C2orf92: variants seen among roughly 807,000 people sequenced by gnomAD.
C2orf92 encodes chromosome 2 open reading frame 92.
At chr2:97,690,554 G>A (rs1418505076) in intron 5 of C2orf92, among the ~76,000 whole-genome samples, 1 of 151,748 alleles carries the variant, frequency 6.6e-6, no homozygotes, top group Non-Finnish European at 1.5e-5. Flanking sequence ...CTAATTTTTT[G>A]TATTTTTTAG....
chr2:97,665,727 CTCTCTCTCTCTATA>C (rs1197032737), upstream of C2orf92: 61 of 33,626 alleles, frequency 1.8e-3, no homozygotes, highest in African/African-American at 3.1e-3. Flanking sequence ...CTCTCTCTCT[CTCTCTCTCTCTATA>C]TATATATATA....
chr2:97,689,675 C>T (rs1011096193), intron 4 of C2orf92, among the ~76,000 whole-genome samples: 8 of 152,172 alleles, frequency 5.3e-5, no homozygotes, highest in African/African-American at 1.9e-4. Context: ...GTTTGCACCC[C>T]AATTCCTGAG....
rs1266255025 is a variant in C2orf92 at position 97,669,723 on chromosome 2, G to C, written c.-66G>C. 2.3e-5 allele frequency: 9 copies of C among 398,410 alleles called. No homozygotes were observed. The highest frequency in any genetic ancestry group is 4.0e-5 in the Non-Finnish European group (9 of 226,010). The allele number at this position is 398,410 out of a possible 1,614,324, so 24.7% of individuals were successfully genotyped here. On this transcript the variant is annotated 5_prime_UTR_variant, in exon 1 of 8. Coordinates refer to ENST00000627399, the MANE Select transcript of C2orf92 (RefSeq NM_001351368.2). Reference sequence around the variant, plus strand: ...GTTCCGTGGTACCCTGGAGTCCACAGCTGCTGAATCTGAAGGGCCATCAGA... The same window carrying C: ...GTTCCGTGGTACCCTGGAGTCCACACCTGCTGAATCTGAAGGGCCATCAGA...
chr2:97,680,987 G>A (rs1412966459), intron 3 of C2orf92, among the ~76,000 whole-genome samples: 2 of 150,724 alleles, frequency 1.3e-5, no homozygotes, highest in African/African-American at 4.9e-5. Context: ...TGCGCCTATA[G>A]TCCCAGCTAC....
Position 97,695,686 on chromosome 2 carries a change from C to A in C2orf92, c.404-3340C>A, listed in dbSNP as rs566153854. Among the ~76,000 whole-genome samples, 5 of 152,264 alleles carry A rather than the reference C, an allele frequency of 3.3e-5. No homozygotes were observed. In the South Asian group the frequency reaches 1.0e-3, roughly 32 times the overall value. ...CTTTAACATAATTTTACTTTCAAAT[C>A]TTTATTTTTCCTTCAGGAGAAGCCA... On this transcript the variant is annotated intron_variant, in intron 5 of 7. Coordinates refer to ENST00000627399, the MANE Select transcript of C2orf92 (RefSeq NM_001351368.2).
chr2:97,681,396 A>G (rs974181029), intron 3 of C2orf92, among the ~76,000 whole-genome samples: 6 of 152,214 alleles, frequency 3.9e-5, no homozygotes, highest in Admixed American at 2.0e-4. Context: ...GAAATCTGGA[A>G]TATTTACACA....
chr2:97,697,206 TG>T (rs1676335930), intron 5 of C2orf92: 1 of 152,214 alleles, frequency 6.6e-6, no homozygotes, highest in Non-Finnish European at 1.5e-5. Context: ...GAAACTGTGT[TG>T]GTCAAAAATT....
At chr2:97,692,770 A>C (rs1354074935) in intron 5 of C2orf92, among the ~76,000 whole-genome samples, 2 of 152,138 alleles carry the variant, frequency 1.3e-5, no homozygotes, top group African/African-American at 4.8e-5. Flanking sequence ...GTTTAATTGC[A>C]TTGCTAATAC....
chr2:97,666,248 G>A (rs542801695), upstream of C2orf92, among the ~76,000 whole-genome samples: 57 of 150,398 alleles, frequency 3.8e-4, no homozygotes, highest in Non-Finnish European at 7.1e-4. Context: ...GTTTTAAGAT[G>A]GAGTTGGGGC....
At chr2:97,665,783 G>C (rs1307636307), upstream of C2orf92, 1 of 87,316 alleles carries the variant, frequency 1.1e-5, no homozygotes, top group Non-Finnish European at 2.2e-5. Flanking sequence ...ATTTTGTTTT[G>C]TTTTGTTTTT....
intron 1 of C2orf92, chr2:97,671,355 C>G: frequency 2.5e-6 from 1 of 395,696 alleles, no homozygotes; most frequent in Non-Finnish European, 4.5e-6. Flanking sequence ...CTATGTTTCC[C>G]AGGCTGGCCT....
chr2:97,669,236 T>C (rs1018542733), upstream of C2orf92: 2 of 152,142 alleles, frequency 1.3e-5, no homozygotes, highest in African/African-American at 4.8e-5. Flanking sequence ...ATGCTATTTT[T>C]GGTGTTATAA....
intron 1 of C2orf92, among the ~76,000 whole-genome samples, chr2:97,673,289 C>T (rs1240707908): frequency 1.3e-5 from 2 of 152,116 alleles, no homozygotes; most frequent in African/African-American, 4.8e-5. Context: ...TTCAGTGGCA[C>T]GAAGCGTGGG....
At chr2:97,665,360 A>G (rs565615129), upstream of C2orf92, among the ~76,000 whole-genome samples, 13 of 152,330 alleles carry the variant, frequency 8.5e-5, no homozygotes, top group East Asian at 2.3e-3. Flanking sequence ...CGAGTTCAAG[A>G]AACAATATTG....
intron 5 of C2orf92, among the ~76,000 whole-genome samples, chr2:97,690,742 C>G (rs1363860980): frequency 6.7e-6 from 1 of 148,508 alleles, no homozygotes; most frequent in African/African-American, 2.5e-5. Flanking sequence ...GGTGCTCAGA[C>G]TCTCTTGTAG....
intron 1 of C2orf92, 145 bp downstream of exon 1, chr2:97,669,979 G>A: frequency 2.5e-6 from 1 of 396,376 alleles, no homozygotes; most frequent in Non-Finnish European, 4.4e-6. Context: ...TGCCATTCAG[G>A]GTTTATTACT....
rs1045017308 is a variant in C2orf92, at chr2:97,698,307, ATT to A, written c.404-716_404-715del. Among the ~76,000 whole-genome samples, 4 of 152,028 alleles carry A rather than the reference ATT, an allele frequency of 2.6e-5. No individual in the cohort carries two copies. The South Asian group carries it at 8.3e-4, about 32-fold the overall frequency. ...ATAGGCAGGCCATGCTGGCCTCCCG[ATT>A]TTCTCCAAGCTAAACTCAGGCCCTT... On this transcript the variant is annotated intron_variant, in intron 5 of 7. Coordinates refer to ENST00000627399, the MANE Select transcript of C2orf92 (RefSeq NM_001351368.2).
intron 5 of C2orf92, among the ~76,000 whole-genome samples, chr2:97,696,946 T>A (rs771345605): frequency 6.6e-6 from 1 of 152,218 alleles, no homozygotes; most frequent in Non-Finnish European, 1.5e-5. Flanking sequence ...AATCAAAGGC[T>A]CACGTCAATG....
At chr2:97,665,737 C>A (rs6735102), upstream of C2orf92, 961 of 28,540 alleles carry the variant, frequency 0.034, 8 homozygotes, top group Non-Finnish European at 0.047. Flanking sequence ...CTCTCTCTCT[C>A]TATATATATA....
Sources: gnomAD v4.1 joint callset for allele counts (sites outside exome capture counted in the v4.1 genomes callset) on GRCh38, gnomAD v4.1.1 for gene constraint, MANE v1.5 for transcripts, NCBI Gene and HGNC (gene_info 2026-07-23, HGNC 2026-07-21) for gene names.